SH3BGRL2: variants seen among roughly 807,000 people sequenced by gnomAD.
SH3BGRL2 encodes SH3 domain binding glutamate rich protein like 2, also known as SH3 domain-binding glutamic acid-rich-like protein 2.
A neutral mutation model predicts 14.8 loss-of-function variants in SH3BGRL2; 21 were observed. The observed-to-expected ratio is 1.42, with a 90% CI of 1.01 to 2.05. SH3BGRL2 has a LOEUF of 2.05. SH3BGRL2 is among the 30% of genes most tolerant of loss of function. The pLI is 0.00. For synonymous variants in SH3BGRL2, 50 were observed against 47.8 expected, an observed-to-expected ratio of 1.05 and a Z score of -0.19; for missense variants, 147 against 130.8, an observed-to-expected ratio of 1.12 and a Z score of -0.61.
intron 1 of SH3BGRL2, among the ~76,000 whole-genome samples, chr6:79,661,206 A>G (rs966982597): frequency 1.3e-5 from 2 of 151,996 alleles, no homozygotes; most frequent in Non-Finnish European, 2.9e-5. Flanking sequence ...TTCTCTAGTT[A>G]CTTTAACTGT....
chr6:79,582,594 T>G, the SH3BGRL2 span, among the ~76,000 whole-genome samples: 8 of 152,352 alleles, frequency 5.3e-5, no homozygotes, highest in Admixed American at 4.6e-4. Context: ...TGTAGAAAGC[T>G]GAAACTGGAT....
chr6:79,662,084 C>A (rs1442803771), intron 1 of SH3BGRL2, among the ~76,000 whole-genome samples: 2 of 152,130 alleles, frequency 1.3e-5, no homozygotes, highest in South Asian at 2.1e-4. Context: ...ACTGATGGAT[C>A]TTGACTCTTT....
At chr6:79,583,970 T>G in the SH3BGRL2 span, among the ~76,000 whole-genome samples, 1 of 152,202 alleles carries the variant, frequency 6.6e-6, no homozygotes, top group Non-Finnish European at 1.5e-5. Context: ...TGTCACTATT[T>G]TCTCTTTATG....
the SH3BGRL2 span, among the ~76,000 whole-genome samples, chr6:79,582,026 C>T: frequency 3.9e-5 from 6 of 152,114 alleles, no homozygotes; most frequent in African/African-American, 1.4e-4. Context: ...GAGTGAACTC[C>T]CATTCACAAC....
At chr6:79,548,240 A>G in the SH3BGRL2 span, among the ~76,000 whole-genome samples, 1 of 152,202 alleles carries the variant, frequency 6.6e-6, no homozygotes. Flanking sequence ...AAAAAACTTC[A>G]TAAGTATCAT....
chr6:79,574,308 T>C, the SH3BGRL2 span: 1 of 152,284 alleles, frequency 6.6e-6, no homozygotes, highest in East Asian at 1.9e-4. Flanking sequence ...GAGAAACTAA[T>C]GGAATGAGGT....
chr6:79,600,559 C>G, the SH3BGRL2 span, among the ~76,000 whole-genome samples: 2 of 152,124 alleles, frequency 1.3e-5, no homozygotes, highest in African/African-American at 4.8e-5. Flanking sequence ...CCATTTGTCC[C>G]TCACTACAGT....
the SH3BGRL2 span, among the ~76,000 whole-genome samples, chr6:79,582,910 A>G: frequency 6.6e-6 from 1 of 152,234 alleles, no homozygotes; most frequent in Non-Finnish European, 1.5e-5. Flanking sequence ...AATATCCAGA[A>G]TCTACAAAGA....
chr6:79,586,658 T>C, the SH3BGRL2 span, among the ~76,000 whole-genome samples: 1 of 152,184 alleles, frequency 6.6e-6, no homozygotes, highest in African/African-American at 2.4e-5. Context: ...ATTACACTTC[T>C]CTTTCCACAT....
At chr6:79,566,150 G>A in the SH3BGRL2 span, among the ~76,000 whole-genome samples, 3 of 152,078 alleles carry the variant, frequency 2.0e-5, no homozygotes, top group Non-Finnish European at 4.4e-5. Flanking sequence ...GCCCAGAACC[G>A]GTGTTCAACA....
chr6:79,641,371 A>C (rs1204096937), intron 1 of SH3BGRL2, among the ~76,000 whole-genome samples: 1 of 152,226 alleles, frequency 6.6e-6, no homozygotes, highest in African/African-American at 2.4e-5. Context: ...TTACTAGCCA[A>C]AATAAATGTT....
chr6:79,657,077 C>T lies in SH3BGRL2; in HGVS notation c.46-16537C>T, dbSNP rs141278282. On this transcript the variant is annotated intron_variant, in intron 1 of 3. Coordinates refer to ENST00000369838, the MANE Select transcript of SH3BGRL2 (RefSeq NM_031469.4). ...GTTGCAGTCAATTCTGAAAGGAATGCGCAGCAAGATTAGATTCCAGGGTTC... is the reference window on the plus strand; with the variant it reads ...GTTGCAGTCAATTCTGAAAGGAATGTGCAGCAAGATTAGATTCCAGGGTTC... Among the ~76,000 whole-genome samples the T allele has an allele frequency of 9.7e-4, 147 of 152,076 alleles. 1 individual carries two copies. Among genetic ancestry groups the T allele is most frequent in the African/African-American group, 3.4e-3 (142 of 41,474 alleles).
the SH3BGRL2 span, among the ~76,000 whole-genome samples, chr6:79,616,103 A>T: frequency 6.6e-6 from 1 of 152,148 alleles, no homozygotes; most frequent in African/African-American, 2.4e-5. Context: ...GGCATGAGCC[A>T]CCGCACCCGG....
rs79189748 is a variant in SH3BGRL2 at position 79,699,924 on chromosome 6, G to A, written c.*415G>A. The stretch of plus-strand genomic sequence containing the variant: ...TGCACCTTTGAAATATGTCTGCCAA[G>A]TTGTTAGAATCTTTGAATCAGAAGG... On this transcript the variant is annotated 3_prime_UTR_variant, in exon 4 of 4. Transcript: ENST00000369838. 6.5e-4 allele frequency: 119 copies of A among 183,838 alleles called. No homozygotes were observed. Among genetic ancestry groups the A allele is most frequent in the African/African-American group, 2.7e-3 (115 of 42,874 alleles). The allele number at this position is 183,838 out of a possible 1,614,324, so 11.4% of individuals were successfully genotyped here.
At chr6:79,625,516 A>G in the SH3BGRL2 span, among the ~76,000 whole-genome samples, 3 of 152,184 alleles carry the variant, frequency 2.0e-5, no homozygotes, top group African/African-American at 7.2e-5. Flanking sequence ...AATAACATCA[A>G]AAAGACTTTG....
At chr6:79,679,154 T>C (rs1769941401) in intron 2 of SH3BGRL2, among the ~76,000 whole-genome samples, 1 of 152,196 alleles carries the variant, frequency 6.6e-6, no homozygotes, top group South Asian at 2.1e-4. Context: ...GATTGCTGGG[T>C]TGAAAGATAC....
the SH3BGRL2 span, among the ~76,000 whole-genome samples, chr6:79,617,772 G>A: frequency 6.6e-6 from 1 of 152,150 alleles, no homozygotes; most frequent in East Asian, 1.9e-4. Context: ...TTGGAATTAG[G>A]TTAACTATTT....
At chr6:79,654,363 G>C (rs1769362611) in intron 1 of SH3BGRL2, among the ~76,000 whole-genome samples, 1 of 152,134 alleles carries the variant, frequency 6.6e-6, no homozygotes, top group Admixed American at 6.5e-5. Flanking sequence ...CAAATGGATG[G>C]AATTTGTGTG....
intron 1 of SH3BGRL2, among the ~76,000 whole-genome samples, chr6:79,649,027 T>G (rs535794218): frequency 2.0e-5 from 3 of 152,164 alleles, no homozygotes; most frequent in Non-Finnish European, 1.5e-5. Context: ...TTCTACATTC[T>G]TCATGGCAGA....
Sources: gnomAD v4.1 joint callset for allele counts (sites outside exome capture counted in the v4.1 genomes callset) on GRCh38, gnomAD v4.1.1 for gene constraint, MANE v1.5 for transcripts, NCBI Gene and HGNC (gene_info 2026-07-23, HGNC 2026-07-21) for gene names.